KDM2B: variants seen among roughly 807,000 people sequenced by gnomAD.
KDM2B encodes lysine-specific demethylase 2B.
In KDM2B, 26 loss-of-function variants were observed where a neutral mutation model predicts 150.0. The observed-to-expected ratio is 0.17, with a 90% CI of 0.13 to 0.24. KDM2B has a LOEUF of 0.24. Among genes scored for constraint, KDM2B ranks in the 10% least tolerant of loss-of-function variants. The pLI is 1.00. For synonymous variants in KDM2B, 734 were observed against 729.5 expected, an observed-to-expected ratio of 1.01 and a Z score of -0.10; for missense variants, 1,265 against 1,816.9, an observed-to-expected ratio of 0.70 and a Z score of 5.52.
At chr12:121,461,008 G>C (rs551775840) in intron 12 of KDM2B, among the ~76,000 whole-genome samples, 1 of 152,298 alleles carries the variant, frequency 6.6e-6, no homozygotes, top group Non-Finnish European at 1.5e-5. Context: ...GAATGAGAAA[G>C]CTGAGATACA....
Position 121,549,409 on chromosome 12 carries a change from A to C in KDM2B, c.576+51T>G. On this transcript the variant is annotated intron_variant, in intron 5 of 22. Transcript: ENST00000377071. The surrounding 1 kb of genome is among the most constrained non-coding windows in gnomAD (Gnocchi z 4.4). ...AACCCAGGTGGCAGGGGGACAGGGA[A>C]GGAGATGAGGTGGAAGGTATCTGGG... is the stretch of plus-strand genomic sequence containing the variant. The C allele has an allele frequency of 4.7e-6, 7 of 1,486,236 alleles. No homozygotes were observed. The highest frequency in any genetic ancestry group is 6.4e-6 in the Non-Finnish European group (7 of 1,095,408). The allele number at this position is 1,486,236 out of a possible 1,614,324, so 92.1% of individuals were successfully genotyped here.
At chr12:121,536,265 C>T (rs1555308700) in intron 6 of KDM2B, 1 of 175,110 alleles carries the variant, frequency 5.7e-6, no homozygotes, top group African/African-American at 2.4e-5. Flanking sequence ...CCCTCCTCCC[C>T]ATAGGCTGGA....
chr12:121,423,450 C>T, the KDM2B span: 34 of 1,613,260 alleles, frequency 2.1e-5, no homozygotes, highest in Non-Finnish European at 2.5e-5. The surrounding 1 kb of genome is among the most constrained non-coding windows in gnomAD (Gnocchi z 4.3). Context: ...GCATGGATGC[C>T]GTCATCGACT....
At chr12:121,568,414 G>A (rs1254708879) in intron 4 of KDM2B, among the ~76,000 whole-genome samples, 1 of 151,786 alleles carries the variant, frequency 6.6e-6, no homozygotes, top group Non-Finnish European at 1.5e-5. Flanking sequence ...GAGCCAAGAT[G>A]GTGCCACTGC....
chr12:121,511,804 C>T (rs1387347895), intron 10 of KDM2B, among the ~76,000 whole-genome samples: 1 of 152,196 alleles, frequency 6.6e-6, no homozygotes, highest in Non-Finnish European at 1.5e-5. Flanking sequence ...CTCAGAAAGC[C>T]GTGGTGCGGA....
At chr12:121,414,403 A>G in the KDM2B span, among the ~76,000 whole-genome samples, 2 of 151,316 alleles carry the variant, frequency 1.3e-5, no homozygotes, top group Non-Finnish European at 2.9e-5. Context: ...TCTTTTATGT[A>G]TACTTGGGAC....
chr12:121,419,869 C>G, the KDM2B span: 1 of 171,332 alleles, frequency 5.8e-6, no homozygotes, highest in Non-Finnish European at 1.3e-5. Context: ...TAGCTTTTTT[C>G]TGTCTGCATC....
At chr12:121,416,089 A>G in the KDM2B span, 284 of 1,276,104 alleles carry the variant, frequency 2.2e-4, no homozygotes, top group Admixed American at 5.2e-4. Context: ...CCAGAATAGC[A>G]TTCCCTGAGG....
chr12:121,498,351 C>T (rs547496297), intron 11 of KDM2B, among the ~76,000 whole-genome samples: 10 of 152,072 alleles, frequency 6.6e-5, no homozygotes, highest in African/African-American at 2.2e-4. Context: ...AACGGTGAGG[C>T]CTGTGACAAA....
rs1485725639 is a variant in KDM2B at position 121,481,735 on chromosome 12, G to A, written c.1734+12844C>T. Among the ~76,000 whole-genome samples the A allele has an allele frequency of 2.0e-5, 3 of 151,672 alleles. No homozygotes were observed. In the South Asian group the frequency reaches 6.3e-4, roughly 32 times the overall value. On this transcript the variant is annotated intron_variant, in intron 12 of 22. Coordinates refer to ENST00000377071, the MANE Select transcript of KDM2B (RefSeq NM_032590.5). ...GGCCAGAGCCCTCAAGATCTCAATT[G>A]CTTTTCAAGAACTTATCTTAGGGTT... is the stretch of plus-strand genomic sequence containing the variant.
intron 6 of KDM2B, among the ~76,000 whole-genome samples, chr12:121,547,169 C>T (rs535235193): frequency 1.5e-4 from 23 of 152,218 alleles, no homozygotes; most frequent in African/African-American, 5.5e-4. Flanking sequence ...GGCTTGTAGT[C>T]TTGTTCCTGT....
At chr12:121,526,227 C>T (rs956959849) in intron 8 of KDM2B, among the ~76,000 whole-genome samples, 4 of 152,138 alleles carry the variant, frequency 2.6e-5, no homozygotes, top group African/African-American at 9.7e-5. Context: ...GTGGCACACG[C>T]CTGTAATCCC....
rs1885442395 is a variant in KDM2B at position 121,510,049 on chromosome 12, CA to C, written c.1175-11del. On this transcript the variant is annotated splice_polypyrimidine_tract_variant and intron_variant, in intron 10 of 22. Transcript: ENST00000377071. ...GGCTTCCTCGGGGCATCTGTGGGGGCAGGGTCACAAGAAAGACCGAGATGAC... is the reference window on the plus strand; with the variant it reads ...GGCTTCCTCGGGGCATCTGTGGGGGCGGGTCACAAGAAAGACCGAGATGAC... 6.5e-7 allele frequency: 1 copy of C among 1,531,364 alleles called. No homozygotes were observed. The highest frequency in any genetic ancestry group is 1.4e-5 in the African/African-American group (1 of 72,468). The allele number at this position is 1,531,364 out of a possible 1,614,324, so 94.9% of individuals were successfully genotyped here. A position where few individuals can be genotyped will look rare whatever the true frequency, so the allele number is the denominator to read the frequency against.
intron 4 of KDM2B, chr12:121,574,296 G>T (rs571240575): frequency 1.2e-5 from 5 of 416,524 alleles, no homozygotes; most frequent in Non-Finnish European, 2.2e-5. Context: ...CTGACACCCA[G>T]GCTGGAGGCA....
At chr12:121,535,063 TC>T (rs1312477955) in intron 6 of KDM2B, among the ~76,000 whole-genome samples, 3 of 151,802 alleles carry the variant, frequency 2.0e-5, no homozygotes, top group Non-Finnish European at 4.4e-5. Context: ...CAATTACCAG[TC>T]CCCATTCATC....
At chr12:121,455,497 G>T (rs943720228) in intron 12 of KDM2B, among the ~76,000 whole-genome samples, 1 of 152,182 alleles carries the variant, frequency 6.6e-6, no homozygotes, top group Non-Finnish European at 1.5e-5. Context: ...GATCACTTGA[G>T]GTCAGGAGTT....
chr12:121,430,503 G>A lies in KDM2B; in HGVS notation c.3830-34C>T. ...AAGAAATAGTAATGTGAGGTGTGAA[G>A]GCCAGGAGCCAGAAGCCCCCCCGCC... is the stretch of plus-strand genomic sequence containing the variant. On this transcript the variant is annotated intron_variant, in intron 22 of 22. Transcript: ENST00000377071. This position sits in a 1 kb window ranked among gnomAD's most constrained non-coding sequence, Gnocchi z 4.4. 1 of 1,564,990 alleles carries A rather than the reference G, an allele frequency of 6.4e-7. No individual in the cohort carries two copies.
At chr12:121,444,310 T>C (rs1555289571) in intron 15 of KDM2B, 38 bp from the exon 16 acceptor site, 1 of 1,611,270 alleles carries the variant, frequency 6.2e-7, no homozygotes. Flanking sequence ...AGACCAACTG[T>C]ATACCTTTGG....
chr12:121,506,078 T>G (rs781870262), intron 11 of KDM2B, among the ~76,000 whole-genome samples: 3 of 148,112 alleles, frequency 2.0e-5, no homozygotes, highest in African/African-American at 7.3e-5. Flanking sequence ...GGCGCACTCA[T>G]AGTTCACTGT....
Sources: allele counts gnomAD v4.1 joint callset (sites outside exome capture counted in the v4.1 genomes callset), GRCh38; gene constraint gnomAD v4.1.1; non-coding constraint Gnocchi (gnomAD v3.1); transcripts MANE v1.5; gene names NCBI Gene and HGNC (gene_info 2026-07-23, HGNC 2026-07-21).